The following ZNF609 variants were observed in gnomAD, a reference collection of about 807,000 sequenced individuals.
The protein encoded by ZNF609 is zinc finger protein 609.
A neutral mutation model predicts 109.5 loss-of-function variants in ZNF609; 11 were observed. That is an observed-to-expected ratio of 0.10 (90% CI 0.06 to 0.17). ZNF609 has a LOEUF of 0.17. Ranked by LOEUF, ZNF609 falls within the 10% of genes least tolerant of loss-of-function variation. The pLI, the probability that ZNF609 is intolerant of heterozygous loss-of-function variation, is 1.00. For missense variants in ZNF609, 1,559 were observed against 1,772.4 expected (o/e 0.88, Z 2.16); for synonymous variants, 646 against 662.0 (o/e 0.98, Z 0.37).
At position 64,675,476 on chromosome 15, in the gene ZNF609, G is replaced by A. The variant is rs1380882432; in HGVS notation, c.2622G>A (p.Gly874=). Residue 874 remains glycine, a synonymous_variant, in exon 5 of 10, where the codon GGG becomes GGA. Transcript: ENST00000326648. ...SKDAEQLVKE[G]AKKTLFPPQP... is the part of the protein sequence containing the mutation. ...ACGCCGAACAGTTGGTTAAAGAAGG[G>A]GCTAAGAAAACTCTTTTTCCCCCTC... 6 of 1,613,964 alleles carry A rather than the reference G, an allele frequency of 3.7e-6. No homozygotes were observed. The Admixed American group carries it at 6.7e-5, about 18-fold the overall frequency.
chr15:64,584,150 G>T (rs1481138713), intron 2 of ZNF609, among the ~76,000 whole-genome samples: 2 of 152,108 alleles, frequency 1.3e-5, no homozygotes, highest in African/African-American at 4.8e-5. Context: ...ACCCTCAGTT[G>T]TACAGGTTGT....
intron 2 of ZNF609, among the ~76,000 whole-genome samples, chr15:64,538,055 G>A (rs1331735150): frequency 6.6e-6 from 1 of 151,588 alleles, no homozygotes; most frequent in Non-Finnish European, 1.5e-5. Context: ...GCGGTGAGCC[G>A]AGATCGCGCC....
At chr15:64,608,060 G>A (rs1284542737) in intron 2 of ZNF609, among the ~76,000 whole-genome samples, 3 of 151,058 alleles carry the variant, frequency 2.0e-5, no homozygotes, top group South Asian at 2.1e-4. Context: ...CAACATGCCC[G>A]GCTAATTTTT....
intron 2 of ZNF609, among the ~76,000 whole-genome samples, chr15:64,614,365 G>T (rs192545981): frequency 1.3e-4 from 20 of 152,122 alleles, no homozygotes; most frequent in Non-Finnish European, 2.6e-4. Flanking sequence ...GACTAGCTGG[G>T]AATACAGGCG....
chr15:64,630,715 G>A (rs964188761), intron 3 of ZNF609, among the ~76,000 whole-genome samples: 27 of 151,614 alleles, frequency 1.8e-4, no homozygotes, highest in African/African-American at 6.5e-4. Flanking sequence ...TGATCTGCCT[G>A]CCTCAGCCTC....
chr15:64,601,526 C>G (rs765837934), intron 2 of ZNF609, among the ~76,000 whole-genome samples: 1 of 152,136 alleles, frequency 6.6e-6, no homozygotes, highest in Non-Finnish European at 1.5e-5. Context: ...CTTTCATTGT[C>G]CTTTTTACAA....
At chr15:64,590,179 G>A (rs186897070) in intron 2 of ZNF609, among the ~76,000 whole-genome samples, 1 of 152,206 alleles carries the variant, frequency 6.6e-6, no homozygotes, top group Admixed American at 6.5e-5. Context: ...GCCTTTTATT[G>A]TCCTGGTTTA....
intron 2 of ZNF609, among the ~76,000 whole-genome samples, chr15:64,513,568 G>T (rs1893763823): frequency 6.6e-6 from 1 of 152,118 alleles, no homozygotes; most frequent in Non-Finnish European, 1.5e-5. Flanking sequence ...TTCTTAGGAT[G>T]ATTTCTTGAA....
At chr15:64,659,803 T>C (rs548113792) in intron 3 of ZNF609, among the ~76,000 whole-genome samples, 1 of 152,156 alleles carries the variant, frequency 6.6e-6, no homozygotes, top group South Asian at 2.1e-4. Flanking sequence ...TTCAAAACAT[T>C]TTTTTGGAAC....
chr15:64,565,328 A>C (rs1163727269), intron 2 of ZNF609, among the ~76,000 whole-genome samples: 1 of 151,206 alleles, frequency 6.6e-6, no homozygotes, highest in Non-Finnish European at 1.5e-5. Context: ...TGATCCACCC[A>C]CCTTGACCTC....
At chr15:64,472,260 TG>T (rs1893102130) in intron 1 of ZNF609, among the ~76,000 whole-genome samples, 1 of 152,138 alleles carries the variant, frequency 6.6e-6, no homozygotes, top group Non-Finnish European at 1.5e-5. Context: ...AAGTGCAGCA[TG>T]GGGGTTGGAT....
intron 2 of ZNF609, among the ~76,000 whole-genome samples, chr15:64,516,423 GTGCAATGGCACGATCTCGTCTCAC>G (rs1284257529): frequency 6.6e-6 from 1 of 152,088 alleles, no homozygotes; most frequent in African/African-American, 2.4e-5. Flanking sequence ...CCAGGCTGGA[GTGCAATGGCACGATCTCGTCTCAC>G]TGCAAGCTCT....
At chr15:64,496,413 A>G (rs941592913) in intron 1 of ZNF609, among the ~76,000 whole-genome samples, 7 of 152,212 alleles carry the variant, frequency 4.6e-5, no homozygotes, top group Admixed American at 1.3e-4. Flanking sequence ...TAACCCTTAG[A>G]TTAATGTAGG....
Position 64,670,447 on chromosome 15 carries a change from G to A in ZNF609, c.1061+14G>A. 6.2e-7 allele frequency: 1 copy of A among 1,608,408 alleles called. No individual in the cohort carries two copies. On this transcript the variant is annotated intron_variant, in intron 4 of 9. Coordinates refer to ENST00000326648, the MANE Select transcript of ZNF609 (RefSeq NM_015042.2). ...GGCACCCCCAAGGTAAGCACTTACA[G>A]CTATTTAGTTTATATTATTCTGAAC...
rs1267751037 is a variant in ZNF609, at chr15:64,485,022, ATTAAC to A, written c.-127-14267_-127-14263del. 2.0e-5 allele frequency among the ~76,000 whole-genome samples: 3 copies of A among 152,194 alleles called. No homozygotes were observed. The East Asian group carries it at 5.8e-4, about 29-fold the overall frequency. ...ATCTTGGTAAGATATTCCTCGCAAA[ATTAAC>A]TTAGTGTACTGCCACGGAAATGCTG... is the stretch of plus-strand genomic sequence containing the variant. On this transcript the variant is annotated intron_variant, in intron 1 of 9. Transcript: ENST00000326648.
intron 1 of ZNF609, among the ~76,000 whole-genome samples, chr15:64,463,550 C>T (rs1892972920): frequency 6.6e-6 from 1 of 152,162 alleles, no homozygotes; most frequent in Non-Finnish European, 1.5e-5. Context: ...CCAATCATTT[C>T]CCATAGGATA....
At chr15:64,516,394 C>T (rs1396659947) in intron 2 of ZNF609, among the ~76,000 whole-genome samples, 1 of 148,266 alleles carries the variant, frequency 6.7e-6, no homozygotes, top group Non-Finnish European at 1.5e-5. Flanking sequence ...TGTTTTGAGA[C>T]AGAGTCTTGC....
At chr15:64,472,214 A>G (rs1363871187) in intron 1 of ZNF609, among the ~76,000 whole-genome samples, 4 of 152,206 alleles carry the variant, frequency 2.6e-5, no homozygotes, top group Admixed American at 6.5e-5. Context: ...CACCCGGCCT[A>G]TAAGTAGTTT....
intron 2 of ZNF609, among the ~76,000 whole-genome samples, chr15:64,622,399 A>C (rs1895890582): frequency 6.6e-6 from 1 of 152,230 alleles, no homozygotes; most frequent in Non-Finnish European, 1.5e-5. Context: ...ATAGATTGGT[A>C]GGAAGCATAG....
Sources: allele counts gnomAD v4.1 joint callset (sites outside exome capture counted in the v4.1 genomes callset), GRCh38; gene constraint gnomAD v4.1.1; transcripts MANE v1.5; gene names NCBI Gene and HGNC (gene_info 2026-07-23, HGNC 2026-07-21).